Variants in FYB1 observed in about 807,000 individuals in gnomAD.
FYB1 encodes the protein FYN binding protein 1.
In FYB1, 41 loss-of-function variants were observed where a neutral mutation model predicts 94.1. That is an observed-to-expected ratio of 0.44 (90% CI 0.34 to 0.57). The LOEUF (loss-of-function observed/expected upper bound fraction) is 0.57. Among genes scored for constraint, FYB1 ranks in the 20% least tolerant of loss-of-function variants. The pLI is 0.02. For missense variants in FYB1, 1,050 were observed against 976.8 expected (o/e 1.07, Z -1.00); for synonymous variants, 367 against 353.2 (o/e 1.04, Z -0.44).
chr5:39,220,151 G>A (rs771051818), upstream of FYB1, among the ~76,000 whole-genome samples: 5 of 152,202 alleles, frequency 3.3e-5, no homozygotes, highest in South Asian at 1.0e-3. Context: ...GGTCATGCCT[G>A]TAATCCCGGT....
chr5:39,250,199 A>C (rs550929731), intron 1 of FYB1, among the ~76,000 whole-genome samples: 1 of 152,208 alleles, frequency 6.6e-6, no homozygotes, highest in Non-Finnish European at 1.5e-5. Flanking sequence ...TCTTTATGGC[A>C]GTGTGAGAAT....
At chr5:39,244,575 C>T (rs527970834) in intron 1 of FYB1, among the ~76,000 whole-genome samples, 4 of 151,312 alleles carry the variant, frequency 2.6e-5, no homozygotes, top group Admixed American at 6.6e-5. Context: ...CATCAATGCT[C>T]ATCGGGGATA....
intron 1 of FYB1, chr5:39,212,828 C>T (rs1246782118): frequency 4.6e-5 from 7 of 152,216 alleles, no homozygotes; most frequent in Admixed American, 4.6e-4. Flanking sequence ...CAAAGCACTT[C>T]ATGGCTTCAG....
chr5:39,139,847 A>AACACACCCATAATATACACATAC (rs1197174738), intron 4 of FYB1: 5 of 152,232 alleles, frequency 3.3e-5, no homozygotes, highest in Admixed American at 2.6e-4. Context: ...AATGTACATA[A>AACACACCCATAATATACACATAC]ACACACCCAT....
chr5:39,118,773 A>G (rs1207909723), intron 16 of FYB1, 101 bp downstream of exon 16: 2 of 693,566 alleles, frequency 2.9e-6, no homozygotes, highest in African/African-American at 3.7e-5. Context: ...AAAAAGATAG[A>G]TAAGAGTTAG....
chr5:39,219,086 C>G (rs1750096689), intron 1 of FYB1, among the ~76,000 whole-genome samples: 2 of 152,170 alleles, frequency 1.3e-5, no homozygotes, highest in Non-Finnish European at 1.5e-5. Flanking sequence ...ACCATCTGTG[C>G]CCAGCTCTGT....
At position 39,105,328 on chromosome 5, in the gene FYB1, C is replaced by A. The variant is rs1760313472; in HGVS notation, c.*2115G>T. 1 of 152,084 alleles carries A rather than the reference C, an allele frequency of 6.6e-6. No homozygotes were observed. Among genetic ancestry groups the A allele is most frequent in the Non-Finnish European group, 1.5e-5 (1 of 68,028 alleles). The allele number at this position is 152,084 out of a possible 1,614,324, so 9.4% of individuals were successfully genotyped here. The stretch of plus-strand genomic sequence containing the variant: ...CCATACAGAAGACTATAACAGAAAT[C>A]ATATTTAATATATTAAAATTAATAC... On this transcript the variant is annotated 3_prime_UTR_variant, in exon 19 of 19. Coordinates refer to ENST00000512982, the MANE Select transcript of FYB1 (RefSeq NM_001465.6).
chr5:39,178,734 G>T (rs1745952323), intron 2 of FYB1, among the ~76,000 whole-genome samples: 1 of 152,100 alleles, frequency 6.6e-6, no homozygotes, highest in Admixed American at 6.5e-5. Context: ...GACAACTGAG[G>T]TGAATTTAAA....
chr5:39,239,344 T>C (rs181767210), intron 1 of FYB1, among the ~76,000 whole-genome samples: 1 of 152,186 alleles, frequency 6.6e-6, no homozygotes, highest in Non-Finnish European at 1.5e-5. Flanking sequence ...ATAAAAGGCA[T>C]CCAAATAGGG....
chr5:39,183,696 A>G (rs1294600540), intron 2 of FYB1, among the ~76,000 whole-genome samples: 2 of 152,192 alleles, frequency 1.3e-5, no homozygotes, highest in African/African-American at 2.4e-5. Flanking sequence ...GCTATTCTTG[A>G]CTTTGTAAAA....
chr5:39,206,762 A>G (rs1431621254), intron 1 of FYB1, among the ~76,000 whole-genome samples: 3 of 152,222 alleles, frequency 2.0e-5, no homozygotes, highest in Non-Finnish European at 4.4e-5. Flanking sequence ...CACTGTCACC[A>G]GTTTCCTATG....
intron 1 of FYB1, among the ~76,000 whole-genome samples, chr5:39,226,199 C>T (rs867870071): frequency 6.6e-6 from 1 of 152,200 alleles, no homozygotes; most frequent in African/African-American, 2.4e-5. Flanking sequence ...TTGCTCCTGT[C>T]TCCCAAGTGT....
chr5:39,217,111 A>G (rs1749927763), intron 1 of FYB1, among the ~76,000 whole-genome samples: 1 of 152,182 alleles, frequency 6.6e-6, no homozygotes, highest in African/African-American at 2.4e-5. Flanking sequence ...CCTAGTGACC[A>G]ATAGAGAGCA....
chr5:39,265,573 C>T (rs1418931570), intron 1 of FYB1, among the ~76,000 whole-genome samples: 2 of 152,018 alleles, frequency 1.3e-5, no homozygotes, highest in East Asian at 3.8e-4. Flanking sequence ...AGGAGTATGG[C>T]TTGAACCTGG....
At chr5:39,154,504 CTTTTT>C (rs70982546) in intron 2 of FYB1, among the ~76,000 whole-genome samples, 1 of 141,390 alleles carries the variant, frequency 7.1e-6, no homozygotes, top group Non-Finnish European at 1.5e-5. Context: ...AACCATTTTC[CTTTTT>C]TTTTTTTTTC....
chr5:39,273,685 TA>T (rs1752725617), intron 1 of FYB1, among the ~76,000 whole-genome samples: 1 of 152,222 alleles, frequency 6.6e-6, no homozygotes, highest in East Asian at 1.9e-4. Flanking sequence ...CATACATTTT[TA>T]TTTTAGAAAA....
At chr5:39,253,341 A>C (rs1451978577) in intron 1 of FYB1, among the ~76,000 whole-genome samples, 4 of 148,800 alleles carry the variant, frequency 2.7e-5, no homozygotes, top group African/African-American at 1.0e-4. Context: ...TTTTATTCCC[A>C]TGAAATAAAA....
At chr5:39,136,234 C>T (rs1305591580) in intron 7 of FYB1, among the ~76,000 whole-genome samples, 5 of 151,802 alleles carry the variant, frequency 3.3e-5, no homozygotes, top group Non-Finnish European at 7.4e-5. Context: ...CACGCCTGGC[C>T]AGTTTTTTGT....
Position 39,134,299 on chromosome 5 carries a change from G to C in FYB1, c.1726C>G (p.Leu576Val). The C allele has an allele frequency of 6.2e-7, 1 of 1,611,384 alleles. No homozygotes were observed. Among genetic ancestry groups the C allele is most frequent in the Non-Finnish European group, 8.5e-7 (1 of 1,177,822 alleles). Reference sequence around the variant, plus strand: ...GGGGCACCAAGAGAGTCTTTTTTCAGTTTCAAAGAATCATAGTCAATCTCT... The same window carrying C: ...GGGGCACCAAGAGAGTCTTTTTTCACTTTCAAAGAATCATAGTCAATCTCT... ...AVEIDYDSLK[L>V]KKDSLGAPSR... Residue 576 changes from leucine to valine, a missense_variant, in exon 9 of 19, where the codon CTG becomes GTG. Coordinates refer to ENST00000512982, the MANE Select transcript of FYB1 (RefSeq NM_001465.6).
Sources: gnomAD v4.1 joint callset for allele counts (sites outside exome capture counted in the v4.1 genomes callset) on GRCh38, gnomAD v4.1.1 for gene constraint, MANE v1.5 for transcripts, NCBI Gene and HGNC (gene_info 2026-07-23, HGNC 2026-07-21) for gene names.